The following TMEM221 variants were observed in gnomAD, a reference collection of about 807,000 sequenced individuals.
The protein encoded by TMEM221 is Putative transmembrane protein ENSP00000342162.
Under a neutral mutation model 10.2 loss-of-function variants are expected in TMEM221, and 11 were observed. The ratio of observed to expected loss-of-function variants is 1.08; its 90% CI spans 0.68 to 1.79. The LOEUF (loss-of-function observed/expected upper bound fraction) is 1.79. TMEM221 is among the 40% of genes most tolerant of loss of function. The probability of loss-of-function intolerance (pLI) is 0.00; values close to 1 mark genes in which losing one functional copy is unlikely to be tolerated. For missense variants in TMEM221, 382 were observed against 417.7 expected, an observed-to-expected ratio of 0.91 and a Z score of 0.75; for synonymous variants, 172 against 199.8, an observed-to-expected ratio of 0.86 and a Z score of 1.18.
intron 2 of TMEM221, among the ~76,000 whole-genome samples, chr19:17,440,222 A>ATTTTTTTT (rs71162130): frequency 1.0e-5 from 1 of 96,426 alleles, no homozygotes; most frequent in Non-Finnish European, 2.1e-5. Context: ...TTAAAATGGT[A>ATTTTTTTT]TTTTTTTTTT....
intron 1 of TMEM221, among the ~76,000 whole-genome samples, chr19:17,447,911 G>C (rs1340054765): frequency 6.6e-6 from 1 of 152,182 alleles, no homozygotes; most frequent in Non-Finnish European, 1.5e-5. Flanking sequence ...TGCAAAATGC[G>C]AGACACAGCA....
chr19:17,439,193 C>T (rs1289945634), intron 2 of TMEM221, among the ~76,000 whole-genome samples: 13 of 126,492 alleles, frequency 1.0e-4, no homozygotes, highest in South Asian at 8.1e-4. Flanking sequence ...GGTGACAGAG[C>T]GAGACTCCAT....
chr19:17,440,859 G>T (rs1056224447), intron 2 of TMEM221, among the ~76,000 whole-genome samples: 8 of 152,120 alleles, frequency 5.3e-5, no homozygotes, highest in African/African-American at 1.7e-4. Context: ...GGCTTGGGGG[G>T]CATTGAGAGA....
intron 2 of TMEM221, among the ~76,000 whole-genome samples, chr19:17,444,584 A>T (rs2074944915): frequency 7.5e-6 from 1 of 134,122 alleles, no homozygotes; most frequent in Admixed American, 8.3e-5. Flanking sequence ...AGTGCAGTGC[A>T]GTGGGGTGAT....
In TMEM221 at chr19:17,436,828, G is replaced by A; in HGVS notation, c.506C>T (p.Thr169Ile). The A allele has an allele frequency of 6.7e-7, 1 of 1,488,486 alleles. No individual in the cohort carries two copies. Among genetic ancestry groups the A allele is most frequent in the Non-Finnish European group, 8.9e-7 (1 of 1,120,446 alleles). The allele number at this position is 1,488,486 out of a possible 1,614,324, so 92.2% of individuals were successfully genotyped here. A position where few individuals can be genotyped will look rare whatever the true frequency, so the allele number is the denominator to read the frequency against. ...CCGGGCAGCCCGGAGGAGAGTGTGG[G>A]TCAGCACAGCCACCAGAACCAGGGT... ...SGTLVLVAVLTHTLLRAARAA... is the reference protein window; with the variant it reads ...SGTLVLVAVLIHTLLRAARAA... Residue 169 changes from threonine (T) to isoleucine (I), a missense_variant, in exon 3 of 3, where the codon ACC becomes ATC. Coordinates refer to ENST00000341130, the MANE Select transcript of TMEM221 (RefSeq NM_001190844.2).
Position 17,436,709 on chromosome 19 carries a change from G to C in TMEM221, c.625C>G (p.Gln209Glu). Residue 209 changes from glutamine (Q) to glutamate (E), a missense_variant, in exon 3 of 3, where the codon CAG becomes GAG. By Grantham distance (29) the Gln-to-Glu change is conservative. Transcript: ENST00000341130. ...AEVSKASPRA[Q>E]PQQGIHRRTP... ...CGACGATGGATACCCTGCTGAGGCTGAGCTCTGGGGCTGGCCTTGGAGACT... is the reference window on the plus strand; with the variant it reads ...CGACGATGGATACCCTGCTGAGGCTCAGCTCTGGGGCTGGCCTTGGAGACT... 1 of 1,533,048 alleles carries C rather than the reference G, an allele frequency of 6.5e-7. No individual in the cohort carries two copies. Among genetic ancestry groups the C allele is most frequent in the South Asian group, 1.2e-5 (1 of 83,698 alleles). 95.0% of individuals were successfully genotyped at this position (1,533,048 alleles called of 1,614,324 possible).
In TMEM221 at chr19:17,448,141, A is replaced by T. The variant is rs767907817; in HGVS notation, c.320+2T>A. 208 of 1,387,710 alleles carry T rather than the reference A, an allele frequency of 1.5e-4. 1 individual carries two copies. The highest frequency in any genetic ancestry group is 1.3e-3 in the Middle Eastern group (6 of 4,588). 86.0% of individuals were successfully genotyped at this position (1,387,710 alleles called of 1,614,324 possible). A position where few individuals can be genotyped will look rare whatever the true frequency, so the allele number is the denominator to read the frequency against. ...CCGAGGCGGTGAGGCCAGTCCTCCT[A>T]CCTCCTGGGGCCAGGCCCCCGCGCC... On this transcript the variant is annotated splice_donor_variant, in intron 1 of 2. Transcript: ENST00000341130. LOFTEE classifies it high-confidence loss of function. This position sits in a 1 kb window ranked among gnomAD's most constrained non-coding sequence, Gnocchi z 4.7.
At chr19:17,444,071 CTTTTTTTTT>C (rs67270566) in intron 2 of TMEM221, among the ~76,000 whole-genome samples, 2 of 56,284 alleles carry the variant, frequency 3.6e-5, no homozygotes, top group East Asian at 4.9e-4. Flanking sequence ...AAAATGCTAT[CTTTTTTTTT>C]TTTTTTTTTT....
At chr19:17,446,121 C>A (rs2074952307) in intron 1 of TMEM221, among the ~76,000 whole-genome samples, 1 of 151,968 alleles carries the variant, frequency 6.6e-6, no homozygotes, top group Non-Finnish European at 1.5e-5. Context: ...GCTATCCTAT[C>A]TATCCATCCC....
intron 2 of TMEM221, among the ~76,000 whole-genome samples, chr19:17,443,312 C>CATTTATTTATTT (rs36145674): frequency 6.8e-6 from 1 of 146,612 alleles, no homozygotes; most frequent in South Asian, 2.2e-4. Context: ...TCTTTTTAAA[C>CATTTATTTATTT]ATTTATTTAT....
In TMEM221 at chr19:17,448,489, A is replaced by G; in HGVS notation, c.-27T>C. ...GCGGGGGTTCCTGCGGGCCGGGGGAAGAGTTGAGGAATTGAAGTGGTTTTA... is the reference window on the plus strand; with the variant it reads ...GCGGGGGTTCCTGCGGGCCGGGGGAGGAGTTGAGGAATTGAAGTGGTTTTA... On this transcript the variant is annotated 5_prime_UTR_variant, in exon 1 of 3. Coordinates refer to ENST00000341130, the MANE Select transcript of TMEM221 (RefSeq NM_001190844.2). The surrounding 1 kb of genome is among the most constrained non-coding windows in gnomAD (Gnocchi z 4.7). The G allele has an allele frequency of 7.1e-7, 1 of 1,400,448 alleles. No individual in the cohort carries two copies. Among genetic ancestry groups the G allele is most frequent in the Non-Finnish European group, 9.3e-7 (1 of 1,073,508 alleles). 86.8% of individuals were successfully genotyped at this position (1,400,448 alleles called of 1,614,324 possible). A position where few individuals can be genotyped will look rare whatever the true frequency, so the allele number is the denominator to read the frequency against.
chr19:17,448,408 C>G lies in TMEM221; in HGVS notation c.55G>C (p.Ala19Pro). The G allele has an allele frequency of 1.4e-6, 2 of 1,465,762 alleles. No individual in the cohort carries two copies. Among genetic ancestry groups the G allele is most frequent in the South Asian group, 1.3e-5 (1 of 77,546 alleles). 90.8% of individuals were successfully genotyped at this position (1,465,762 alleles called of 1,614,324 possible). A position where few individuals can be genotyped will look rare whatever the true frequency, so the allele number is the denominator to read the frequency against. Residue 19 changes from alanine to proline, a missense_variant, in exon 1 of 3, where the codon GCG becomes CCG. Ala to Pro is a conservative substitution (Grantham distance 27). Transcript: ENST00000341130. This position sits in a 1 kb window ranked among gnomAD's most constrained non-coding sequence, Gnocchi z 4.7. ...CCCAGCGCCGCCAGCACGGCCGCCG[C>G]GATGCCCAGCAGGGTCATTGCAGCC... ...VLAAMTLLGI[A>P]AAVLAALGAQ...
At chr19:17,444,218 T>C (rs1426555764) in intron 2 of TMEM221, among the ~76,000 whole-genome samples, 3 of 151,446 alleles carry the variant, frequency 2.0e-5, no homozygotes, top group South Asian at 4.2e-4. Flanking sequence ...GTGGCTGATA[T>C]TATAGGCGCC....
rs1162091833 is a variant in TMEM221 at position 17,436,857 on chromosome 19, C to T, written c.477G>A (p.Ser159=). 67 of 1,451,312 alleles carry T rather than the reference C, an allele frequency of 4.6e-5. No individual in the cohort carries two copies. The highest frequency in any genetic ancestry group is 1.8e-4 in the Middle Eastern group (1 of 5,654). The allele number at this position is 1,451,312 out of a possible 1,614,324, so 89.9% of individuals were successfully genotyped here. A position where few individuals can be genotyped will look rare whatever the true frequency, so the allele number is the denominator to read the frequency against. ...TGAAAASILG[S]GTLVLVAVLT... ...GCACAGCCACCAGAACCAGGGTGCC[C>T]GAGCCGAGGATGGAAGCAGCTGCTG... Residue 159 remains serine, a synonymous_variant, in exon 3 of 3, where the codon TCG becomes TCA. Coordinates refer to ENST00000341130, the MANE Select transcript of TMEM221 (RefSeq NM_001190844.2).
chr19:17,441,731 A>G (rs576728319), intron 2 of TMEM221, among the ~76,000 whole-genome samples: 1 of 151,070 alleles, frequency 6.6e-6, no homozygotes, highest in South Asian at 2.1e-4. Flanking sequence ...TTTTTTTGGC[A>G]CTTTCCAGGC....
intron 2 of TMEM221, among the ~76,000 whole-genome samples, chr19:17,440,222 ATTTTTT>A (rs71162130): frequency 4.1e-5 from 4 of 96,412 alleles, no homozygotes; most frequent in Admixed American, 1.2e-4. Flanking sequence ...TTAAAATGGT[ATTTTTT>A]TTTTTTTTTT....
intron 2 of TMEM221, among the ~76,000 whole-genome samples, chr19:17,443,002 G>A (rs1277890437): frequency 1.3e-5 from 2 of 151,970 alleles, no homozygotes; most frequent in Non-Finnish European, 2.9e-5. Flanking sequence ...CTCAGGGCCG[G>A]GCGTGGTGGC....
chr19:17,443,855 T>C (rs1308193786), intron 2 of TMEM221, among the ~76,000 whole-genome samples: 1 of 152,072 alleles, frequency 6.6e-6, no homozygotes, highest in Non-Finnish European at 1.5e-5. Context: ...AGGAGTCTCT[T>C]GAAAGACACT....
Position 17,436,769 on chromosome 19 carries a change from G to T in TMEM221, c.565C>A (p.Pro189Thr). 6.6e-7 allele frequency: 1 copy of T among 1,521,514 alleles called. No individual in the cohort carries two copies. 94.3% of individuals were successfully genotyped at this position (1,521,514 alleles called of 1,614,324 possible). The change falls in exon 3 of 3, where the codon CCA becomes ACA. Residue 189 changes from proline to threonine, a missense_variant. Coordinates refer to ENST00000341130, the MANE Select transcript of TMEM221 (RefSeq NM_001190844.2). ...CGGGCGAGGTCGTCTTCAAAGGATG[G>T]CGGGGACAACTCATGGAGCCCACGG... ...ARRGLHELSP[P>T]SFEDDLARPA... is the part of the protein sequence containing the mutation.
Sources: allele counts gnomAD v4.1 joint callset (sites outside exome capture counted in the v4.1 genomes callset), GRCh38; gene constraint gnomAD v4.1.1; non-coding constraint Gnocchi (gnomAD v3.1); transcripts MANE v1.5; gene names NCBI Gene and HGNC (gene_info 2026-07-23, HGNC 2026-07-21).